C4orf51: variants seen among roughly 807,000 people sequenced by gnomAD.
C4orf51 encodes chromosome 4 open reading frame 51.
A neutral mutation model predicts 25.2 loss-of-function variants in C4orf51; 25 were observed. The observed-to-expected ratio is 0.99, with a 90% CI of 0.72 to 1.39. C4orf51 has a LOEUF of 1.39. Among genes scored for constraint, C4orf51 ranks in the 40% most tolerant of loss-of-function variants. The pLI is 0.00. For synonymous variants in C4orf51, 100 were observed against 84.5 expected, an observed-to-expected ratio of 1.18 and a Z score of -1.01; for missense variants, 252 against 239.6, an observed-to-expected ratio of 1.05 and a Z score of -0.34.
intron 2 of C4orf51, among the ~76,000 whole-genome samples, chr4:145,700,734 C>T (rs1169811980): frequency 2.0e-5 from 3 of 152,214 alleles, no homozygotes; most frequent in Middle Eastern, 3.4e-3. Flanking sequence ...CAACCCCAAG[C>T]GTCGCTGAGT....
chr4:145,721,748 C>T (rs1245529868), intron 2 of C4orf51, among the ~76,000 whole-genome samples: 3 of 152,178 alleles, frequency 2.0e-5, no homozygotes, highest in African/African-American at 7.2e-5. Flanking sequence ...TCAAGCATAA[C>T]ATCAACTAGG....
At chr4:145,699,295 C>CT (rs556134358) in intron 2 of C4orf51, among the ~76,000 whole-genome samples, 1 of 79,432 alleles carries the variant, frequency 1.3e-5, no homozygotes, top group Non-Finnish European at 2.5e-5. Flanking sequence ...TGACTTGGAT[C>CT]AGGGACCTCC....
At chr4:145,786,320 A>C in the C4orf51 span, among the ~76,000 whole-genome samples, 1 of 152,196 alleles carries the variant, frequency 6.6e-6, no homozygotes, top group East Asian at 1.9e-4. Flanking sequence ...TCTCAACCTG[A>C]TTTTGGTAAA....
intron 1 of C4orf51, among the ~76,000 whole-genome samples, chr4:145,687,321 T>C (rs1404107782): frequency 6.6e-6 from 1 of 152,194 alleles, no homozygotes; most frequent in Admixed American, 6.5e-5. Context: ...GTACTTCTTA[T>C]ATATATTGAT....
chr4:145,697,688 A>T (rs1459135132), intron 2 of C4orf51, among the ~76,000 whole-genome samples: 1 of 152,224 alleles, frequency 6.6e-6, no homozygotes, highest in East Asian at 1.9e-4. Context: ...ATAAACCAAG[A>T]TGTCCTTCTC....
intron 2 of C4orf51, among the ~76,000 whole-genome samples, chr4:145,699,094 G>A (rs1034053131): frequency 6.6e-6 from 1 of 151,282 alleles, no homozygotes; most frequent in Non-Finnish European, 1.5e-5. Flanking sequence ...GCCCGCCAGA[G>A]AACAAACCCC....
intron 1 of C4orf51, among the ~76,000 whole-genome samples, chr4:145,752,439 G>A (rs1171215180): frequency 3.3e-5 from 5 of 152,166 alleles, no homozygotes; most frequent in Admixed American, 6.5e-5. Context: ...GTCTAGAAAC[G>A]TCCGTGAGCT....
At chr4:145,729,318 T>TTTG in intron 4 of C4orf51, 89 bp downstream of exon 4, 3 of 864,612 alleles carry the variant, frequency 3.5e-6, no homozygotes, top group Non-Finnish European at 3.5e-6. Context: ...TTTTTTTTTT[T>TTTG]TTTGAGATGG....
downstream of C4orf51, chr4:145,759,157 T>A (rs148721139): frequency 3.6e-4 from 55 of 152,316 alleles, no homozygotes; most frequent in East Asian, 0.01. Flanking sequence ...ATATAAACTT[T>A]TATATTCCAA....
At chr4:145,781,228 G>GAAAAAAAAAAA in the C4orf51 span, among the ~76,000 whole-genome samples, 24 of 99,662 alleles carry the variant, frequency 2.4e-4, no homozygotes, top group Admixed American at 4.7e-4. Flanking sequence ...GAAAAAAAAA[G>GAAAAAAAAAAA]AAAAAAAAAA....
chr4:145,713,266 A>G (rs551456710), intron 2 of C4orf51, among the ~76,000 whole-genome samples: 10 of 152,352 alleles, frequency 6.6e-5, no homozygotes, highest in African/African-American at 1.7e-4. Flanking sequence ...AAGGCTATGG[A>G]CACCATAGAT....
At position 145,762,933 on chromosome 4, in the gene C4orf51, G is replaced by T. The variant is rs1360408310; in HGVS notation, n.167-8055G>T. 1.3e-5 allele frequency among the ~76,000 whole-genome samples: 2 copies of T among 152,210 alleles called. No individual in the cohort carries two copies. Among genetic ancestry groups the T allele is most frequent in the Non-Finnish European group, 2.9e-5 (2 of 68,036 alleles). On this transcript the variant is annotated intron_variant and non_coding_transcript_variant, in intron 1 of 1. Coordinates refer to the C4orf51 transcript ENST00000510096. This position sits in a 1 kb window ranked among gnomAD's most constrained non-coding sequence, Gnocchi z 4.9. ...AGGGTCTGGAGAGGTGTTCAGCAGA[G>T]CCCAACACAACCAAGTGCACCGTGC...
In C4orf51 at chr4:145,680,391, G is replaced by A. The variant is rs1457457296; in HGVS notation, c.188G>A (p.Ser63Asn). 4.3e-6 allele frequency: 7 copies of A among 1,613,968 alleles called. No homozygotes were observed. The highest frequency in any genetic ancestry group is 5.1e-6 in the Non-Finnish European group (6 of 1,179,850). The change falls in exon 1 of 6, where the codon AGC becomes AAC. Residue 63 changes from serine (S) to asparagine (N), a missense_variant. Transcript: ENST00000438731. ...AAACAACTGGACAAGTCCATGTGCA[G>A]CCAATTTTCTTTTAGAGCAGGACAG... ...RKKQLDKSMC[S>N]QFSFRAGQHE...
the C4orf51 span, among the ~76,000 whole-genome samples, chr4:145,786,362 G>A: frequency 2.0e-5 from 3 of 152,246 alleles, no homozygotes; most frequent in East Asian, 5.8e-4. Flanking sequence ...TTTATTTGGC[G>A]ACAGCTGTAA....
At chr4:145,712,870 A>G (rs1262084599) in intron 2 of C4orf51, among the ~76,000 whole-genome samples, 3 of 152,252 alleles carry the variant, frequency 2.0e-5, no homozygotes, top group Non-Finnish European at 4.4e-5. Context: ...CTCTCTTGTT[A>G]GGGGATAATG....
chr4:145,747,797 C>T (rs1733453540), intron 1 of C4orf51, among the ~76,000 whole-genome samples: 1 of 150,184 alleles, frequency 6.7e-6, no homozygotes, highest in African/African-American at 2.5e-5. Context: ...TTCCCTCCTT[C>T]CTTCCTTGCC....
rs750584342 is a variant in C4orf51 at position 145,726,900 on chromosome 4, T to C, written c.308-11T>C. ...ATTTAATCCTGATTTTCCCTCTTCA[T>C]GTGCATGCAGGACTATTCCCTGATA... On this transcript the variant is annotated splice_polypyrimidine_tract_variant and intron_variant, in intron 2 of 5. Transcript: ENST00000438731. The C allele has an allele frequency of 1.2e-6, 2 of 1,608,684 alleles. No individual in the cohort carries two copies. Among genetic ancestry groups the C allele is most frequent in the Non-Finnish European group, 8.5e-7 (1 of 1,175,744 alleles).
At chr4:145,777,296 A>G in the C4orf51 span, among the ~76,000 whole-genome samples, 1 of 152,220 alleles carries the variant, frequency 6.6e-6, no homozygotes, top group African/African-American at 2.4e-5. Context: ...AAGGTTATGC[A>G]TCCTCCATAA....
intron 3 of C4orf51, among the ~76,000 whole-genome samples, chr4:145,728,411 TCTC>T (rs1025097455): frequency 1.1e-4 from 17 of 152,222 alleles, no homozygotes; most frequent in Non-Finnish European, 2.2e-4. Context: ...TCAAGCATCT[TCTC>T]CTATGTTTAT....
Sources: gnomAD v4.1 joint callset for allele counts (sites outside exome capture counted in the v4.1 genomes callset) on GRCh38, gnomAD v4.1.1 for gene constraint, Gnocchi (gnomAD v3.1) non-coding constraint, MANE v1.5 for transcripts, NCBI Gene and HGNC (gene_info 2026-07-23, HGNC 2026-07-21) for gene names.